Variants in DIS3L2 observed in about 807,000 individuals in gnomAD.
DIS3L2 encodes DIS3-like exonuclease 2.
A neutral mutation model predicts 97.5 loss-of-function variants in DIS3L2; 34 were observed. That is an observed-to-expected ratio of 0.35 (90% CI 0.27 to 0.46). The LOEUF is 0.46. Ranked by LOEUF, DIS3L2 falls within the 20% of genes least tolerant of loss-of-function variation. The pLI is 1.00. For synonymous variants in DIS3L2, 435 were observed against 445.2 expected, an observed-to-expected ratio of 0.98 and a Z score of 0.29; for missense variants, 1,038 against 1,146.0, an observed-to-expected ratio of 0.91 and a Z score of 1.36.
intron 5 of DIS3L2, among the ~76,000 whole-genome samples, chr2:232,078,524 T>C (rs185585371): frequency 5.3e-5 from 8 of 152,356 alleles, no homozygotes; most frequent in African/African-American, 1.9e-4. Flanking sequence ...CCTCTTACTT[T>C]ACAGAGTCAA....
chr2:232,165,940 AT>A (rs1346574717), intron 9 of DIS3L2, among the ~76,000 whole-genome samples: 1 of 152,042 alleles, frequency 6.6e-6, no homozygotes, highest in Non-Finnish European at 1.5e-5. Context: ...AATAATAAGC[AT>A]GTTAGTAGTT....
At chr2:232,192,414 A>G (rs1477431735) in intron 9 of DIS3L2, among the ~76,000 whole-genome samples, 2 of 152,100 alleles carry the variant, frequency 1.3e-5, no homozygotes, top group East Asian at 1.9e-4. Context: ...TCTTAAACCT[A>G]TGCCCTTAAT....
chr2:232,147,662 AAGC>A (rs1434087172), intron 8 of DIS3L2, among the ~76,000 whole-genome samples: 1 of 152,226 alleles, frequency 6.6e-6, no homozygotes, highest in East Asian at 1.9e-4. Flanking sequence ...TTCAGACAGT[AAGC>A]AGAAGACAGA....
chr2:231,970,679 G>A (rs191100157), intron 1 of DIS3L2, among the ~76,000 whole-genome samples: 51 of 152,284 alleles, frequency 3.3e-4, no homozygotes, highest in Admixed American at 2.2e-3. Flanking sequence ...TGTGAAGGCC[G>A]AGGACATTAC....
At chr2:232,205,810 G>T (rs1215094443) in intron 9 of DIS3L2, among the ~76,000 whole-genome samples, 1 of 152,158 alleles carries the variant, frequency 6.6e-6, no homozygotes, top group Non-Finnish European at 1.5e-5. Context: ...ACAGCAGACA[G>T]TTCATATAGC....
chr2:232,270,860 GTCTCTCTCTCTCTCTC>G (rs71056262), intron 13 of DIS3L2, among the ~76,000 whole-genome samples: 2,417 of 103,842 alleles, frequency 0.023, 56 homozygotes, highest in African/African-American at 0.062. Flanking sequence ...TCTTTTTCTC[GTCTCTCTCTCTCTCTC>G]TCTCTCTCTC....
chr2:232,329,785 T>TGCCGGGGGCC, intron 14 of DIS3L2, 28 bp from the exon 15 acceptor site: 18 of 967,134 alleles, frequency 1.9e-5, no homozygotes, highest in Non-Finnish European at 2.3e-5. Flanking sequence ...ACCCCAGCGG[T>TGCCGGGGGCC]CCCTCCCATC....
Position 232,247,710 on chromosome 2 carries a change from C to T in DIS3L2, c.1318-1529C>T, listed in dbSNP as rs533268227. Among the ~76,000 whole-genome samples the T allele has an allele frequency of 3.5e-5, 5 of 141,556 alleles. 1 individual carries two copies. The highest frequency in any genetic ancestry group is 1.0e-4 in the African/African-American group (4 of 38,342). 92.9% of individuals were successfully genotyped at this position (141,556 alleles called of 152,430 possible). A position where few individuals can be genotyped will look rare whatever the true frequency, so the allele number is the denominator to read the frequency against. The stretch of plus-strand genomic sequence containing the variant: ...AGGTGAAATCTTTATCATTCAACCA[C>T]GAGATGGTATCATCTTGAAGCTTTC... On this transcript the variant is annotated intron_variant, in intron 11 of 20. Coordinates refer to ENST00000325385, the MANE Select transcript of DIS3L2 (RefSeq NM_152383.5).
rs984605179 is a variant in DIS3L2 at position 232,023,790 on chromosome 2, A to G, written c.211-487A>G. Among the ~76,000 whole-genome samples, 4 of 152,158 alleles carry G rather than the reference A, an allele frequency of 2.6e-5. No individual in the cohort carries two copies. In the East Asian group the frequency reaches 5.8e-4, roughly 22 times the overall value. On this transcript the variant is annotated intron_variant, in intron 3 of 20. Coordinates refer to ENST00000325385, the MANE Select transcript of DIS3L2 (RefSeq NM_152383.5). ...GAGGGGCCAGAGTAAAAAATAATGC[A>G]TCCAGTTTCATAAGGCTCAGTATCT...
intron 5 of DIS3L2, among the ~76,000 whole-genome samples, chr2:232,038,532 C>T (rs552162041): frequency 6.6e-6 from 1 of 152,304 alleles, no homozygotes; most frequent in East Asian, 1.9e-4. Flanking sequence ...AGTAACCTGG[C>T]ATCCTTTCTG....
chr2:232,288,974 A>G (rs1194077530), intron 13 of DIS3L2, among the ~76,000 whole-genome samples: 1 of 152,200 alleles, frequency 6.6e-6, no homozygotes, highest in Non-Finnish European at 1.5e-5. Flanking sequence ...GTCAGAAAGA[A>G]TTTGACATCT....
chr2:232,139,482 T>G (rs2106357973), intron 8 of DIS3L2, among the ~76,000 whole-genome samples: 1 of 152,190 alleles, frequency 6.6e-6, no homozygotes, highest in South Asian at 2.1e-4. Context: ...TCGTCAGTAG[T>G]TTCAAGCAGA....
At chr2:232,174,155 A>C (rs2106176032) in intron 9 of DIS3L2, among the ~76,000 whole-genome samples, 1 of 152,330 alleles carries the variant, frequency 6.6e-6, no homozygotes, top group South Asian at 2.1e-4. Context: ...TGTTAAATTT[A>C]ATCCTACATA....
intron 9 of DIS3L2, among the ~76,000 whole-genome samples, chr2:232,183,562 A>G (rs1374759148): frequency 4.6e-5 from 7 of 152,310 alleles, no homozygotes; most frequent in Non-Finnish European, 4.4e-5. Flanking sequence ...GCACAGCCCT[A>G]TGCATGAGTG....
At chr2:231,987,998 C>T (rs1182875491) in intron 1 of DIS3L2, among the ~76,000 whole-genome samples, 1 of 152,148 alleles carries the variant, frequency 6.6e-6, no homozygotes, top group African/African-American at 2.4e-5. Flanking sequence ...CATGTGCCAC[C>T]ACGCCCAGCT....
At chr2:232,249,378 A>G in intron 12 of DIS3L2, 32 bp downstream of exon 12, 5 of 1,601,678 alleles carry the variant, frequency 3.1e-6, no homozygotes, top group African/African-American at 1.3e-5. Context: ...TTCTCCACTT[A>G]CCTCTTTTCT....
intron 10 of DIS3L2, among the ~76,000 whole-genome samples, chr2:232,219,366 A>G (rs1692432447): frequency 6.6e-6 from 1 of 152,198 alleles, no homozygotes. Flanking sequence ...AGTCAGATCT[A>G]GCCAGGCAAC....
chr2:232,093,136 G>A lies in DIS3L2; in HGVS notation c.601+5415G>A, dbSNP rs80209941. The stretch of plus-strand genomic sequence containing the variant: ...TTTATCAAGTGCTTTTTCAGCATCA[G>A]TTGAAATCATCATATAGTTTTCTTC... On this transcript the variant is annotated intron_variant, in intron 6 of 20. Coordinates refer to ENST00000325385, the MANE Select transcript of DIS3L2 (RefSeq NM_152383.5). Among the ~76,000 whole-genome samples, 425 of 152,212 alleles carry A rather than the reference G, an allele frequency of 2.8e-3. 1 individual carries two copies. The highest frequency in any genetic ancestry group is 4.6e-3 in the Non-Finnish European group (316 of 67,970).
intron 5 of DIS3L2, among the ~76,000 whole-genome samples, chr2:232,071,886 A>G (rs977574157): frequency 6.6e-6 from 1 of 152,190 alleles, no homozygotes. Flanking sequence ...ATGTTTTTGA[A>G]TAAGAGGATA....
Sources: allele counts gnomAD v4.1 joint callset (sites outside exome capture counted in the v4.1 genomes callset), GRCh38; gene constraint gnomAD v4.1.1; transcripts MANE v1.5; gene names NCBI Gene and HGNC (gene_info 2026-07-23, HGNC 2026-07-21).